Variants in GRM2 observed in about 807,000 individuals in gnomAD.
GRM2 encodes the protein glutamate metabotropic receptor 2.
Under a neutral mutation model 60.4 loss-of-function variants are expected in GRM2, and 35 were observed. That is an observed-to-expected ratio of 0.58 (90% CI 0.44 to 0.77). The LOEUF (loss-of-function observed/expected upper bound fraction) is 0.77. Among genes scored for constraint, GRM2 ranks in the 30% least tolerant of loss-of-function variants. The pLI is 0.00. For synonymous variants in GRM2, 437 were observed against 484.1 expected (o/e 0.90, Z 1.28); for missense variants, 925 against 1,199.5 (o/e 0.77, Z 3.38).
At position 51,713,916 on chromosome 3, in the gene GRM2, C is replaced by T. The variant is rs746029359; in HGVS notation, c.1288+606C>T. ...GGATGACAGGCATGTGGCACTGCTC[C>T]TAGCTTCAGGGAAAATTTCTATTCC... On this transcript the variant is annotated intron_variant, in intron 3 of 5. Coordinates refer to ENST00000395052, the MANE Select transcript of GRM2 (RefSeq NM_000839.5). This position sits in a 1 kb window ranked among gnomAD's most constrained non-coding sequence, Gnocchi z 4.8. 28 of 451,674 alleles carry T rather than the reference C, an allele frequency of 6.2e-5. No individual in the cohort carries two copies. Among genetic ancestry groups the T allele is most frequent in the African/African-American group, 4.2e-4 (21 of 50,062 alleles). 28.0% of individuals were successfully genotyped at this position (451,674 alleles called of 1,614,324 possible).
chr3:51,707,485 G>C (rs1448985642), intron 1 of GRM2: 1 of 153,644 alleles, frequency 6.5e-6, no homozygotes, highest in African/African-American at 2.4e-5. Context: ...TGTGGCCCAG[G>C]CTCCTGGCTG....
At position 51,709,160 on chromosome 3, in the gene GRM2, C is replaced by T. The variant is rs778471244; in HGVS notation, c.177C>T (p.Ile59=). 6.2e-7 allele frequency: 1 copy of T among 1,612,458 alleles called. No homozygotes were observed. The highest frequency in any genetic ancestry group is 1.7e-5 in the Admixed American group (1 of 60,016). The change falls in exon 2 of 6, where the codon ATC becomes ATT. Residue 59 remains isoleucine (I), a synonymous_variant. Transcript: ENST00000395052. ...DCGPVNEHRG[I]QRLEAMLFAL... is the part of the protein sequence containing the mutation. ...GTCCTGTCAATGAGCACCGTGGCAT[C>T]CAGCGCCTGGAGGCCATGCTTTTTG...
chr3:51,718,107 C>T lies in GRM2; in HGVS notation c.2614C>T (p.Leu872Phe). Residue 872 changes from leucine (L) to phenylalanine (F), a missense_variant, in exon 6 of 6, where the codon CTT becomes TTT. Leu to Phe is a conservative substitution (Grantham distance 22, BLOSUM62 0). Coordinates refer to ENST00000395052, the MANE Select transcript of GRM2 (RefSeq NM_000839.5). The surrounding 1 kb of genome is among the most constrained non-coding windows in gnomAD (Gnocchi z 4.2). ...GGTGGTGGACTCGACAACGTCATCG[C>T]TTTGAAGACCCCATACTCCCGCCCT... ...REVVDSTTSS[L>F] 6.2e-7 allele frequency: 1 copy of T among 1,613,658 alleles called. No homozygotes were observed. Among genetic ancestry groups the T allele is most frequent in the African/African-American group, 1.3e-5 (1 of 75,034 alleles).
Position 51,709,286 on chromosome 3 carries a change from G to A in GRM2, c.303G>A (p.Gln101=). The part of the protein sequence containing the change: ...SCSKDTHALE[Q]ALDFVRASLS... ...CCAAGGACACACATGCGCTGGAGCA[G>A]GCACTGGACTTTGTGCGTGCCTCAC... Residue 101 remains glutamine (Q), a synonymous_variant, in exon 2 of 6, where the codon CAG becomes CAA. Transcript: ENST00000395052. 6.2e-7 allele frequency: 1 copy of A among 1,603,926 alleles called. No individual in the cohort carries two copies. Among genetic ancestry groups the A allele is most frequent in the Non-Finnish European group, 8.5e-7 (1 of 1,172,682 alleles).
rs567520320 is a variant in GRM2 at position 51,717,351 on chromosome 3, G to T, written c.2365-286G>T. 6.6e-6 allele frequency among the ~76,000 whole-genome samples: 1 copy of T among 151,960 alleles called. No homozygotes were observed. The highest frequency in any genetic ancestry group is 1.5e-5 in the Non-Finnish European group (1 of 67,990). On this transcript the variant is annotated intron_variant, in intron 4 of 5. Transcript: ENST00000395052. This position sits in a 1 kb window ranked among gnomAD's most constrained non-coding sequence, Gnocchi z 6.0. ...GATATACACACACACCTACATGCAC[G>T]CACTCCATTCCTGCAGCCCCCAGAT...
chr3:51,713,764 C>CTTTT lies in GRM2; in HGVS notation c.1288+457_1288+458insTTTT. 1 of 200,716 alleles carries CTTTT rather than the reference C, an allele frequency of 5.0e-6. No homozygotes were observed. The highest frequency in any genetic ancestry group is 1.0e-5 in the Non-Finnish European group (1 of 97,258). 12.4% of individuals were successfully genotyped at this position (200,716 alleles called of 1,614,324 possible). Reference sequence around the variant, plus strand: ...TTCTTTTTTCTTTCTTTCTTTCTTTCTTTCTTTTCTTAGATGGGGTCTCAC... The same window carrying CTTTT: ...TTCTTTTTTCTTTCTTTCTTTCTTTCTTTTTTTCTTTTCTTAGATGGGGTCTCAC... On this transcript the variant is annotated intron_variant, in intron 3 of 5. Transcript: ENST00000395052. The surrounding 1 kb of genome is among the most constrained non-coding windows in gnomAD (Gnocchi z 4.8).
rs761475798 is a variant in GRM2, at chr3:51,715,297, G to A, written c.1524G>A (p.Glu508=). 2 of 1,612,720 alleles carry A rather than the reference G, an allele frequency of 1.2e-6. No homozygotes were observed. The highest frequency in any genetic ancestry group is 4.5e-5 in the East Asian group (2 of 44,876). The change falls in exon 4 of 6, where the codon GAG becomes GAA. Residue 508 remains glutamate (E), a synonymous_variant. Transcript: ENST00000395052. This position sits in a 1 kb window ranked among gnomAD's most constrained non-coding sequence, Gnocchi z 9.0. ...GCAGTGAGCCCTGCCTCCAGAATGA[G>A]GTGAAGAGTGTGCAGCCGGGCGAAG... ...SRCSEPCLQN[E]VKSVQPGEVC...
rs544763470 is a variant in GRM2, at chr3:51,717,099, A to G, written c.2365-538A>G. Among the ~76,000 whole-genome samples, 21 of 143,276 alleles carry G rather than the reference A, an allele frequency of 1.5e-4. No homozygotes were observed. Among genetic ancestry groups the G allele is most frequent in the Admixed American group, 1.5e-3 (20 of 13,710 alleles). 94.0% of individuals were successfully genotyped at this position (143,276 alleles called of 152,430 possible). A position where few individuals can be genotyped will look rare whatever the true frequency, so the allele number is the denominator to read the frequency against. On this transcript the variant is annotated intron_variant, in intron 4 of 5. Transcript: ENST00000395052. The surrounding 1 kb of genome is among the most constrained non-coding windows in gnomAD (Gnocchi z 6.0). ...GCAGCTAAGGACTCACCTGAGACACACACCGTACCCACACATGCATGCACA... is the reference window on the plus strand; with the variant it reads ...GCAGCTAAGGACTCACCTGAGACACGCACCGTACCCACACATGCATGCACA...
At position 51,716,126 on chromosome 3, in the gene GRM2, A is replaced by G. The variant is rs540567050; in HGVS notation, c.2353A>G (p.Ser785Gly). The change falls in exon 4 of 6, where the codon AGT becomes GGT. Residue 785 changes from serine to glycine, a missense_variant. Physicochemically the swap from Ser to Gly is moderately conservative, Grantham distance 56 (BLOSUM62 0). Coordinates refer to ENST00000395052, the MANE Select transcript of GRM2 (RefSeq NM_000839.5). This position sits in a 1 kb window ranked among gnomAD's most constrained non-coding sequence, Gnocchi z 4.0. ...AFLPIFYVTS[S>G]DYRVQTTTMC... ...CCTGCCCATCTTCTATGTCACCTCC[A>G]GTGACTACCGGGTGAGCTACCTGCC... 1.1e-3 allele frequency: 1,713 copies of G among 1,606,312 alleles called. 23 individuals are homozygous for G. The South Asian group carries it at 0.018, about 16-fold the overall frequency.
Position 51,707,136 on chromosome 3 carries a change from C to G in GRM2, c.-168C>G, listed in dbSNP as rs1480969233. On this transcript the variant is annotated 5_prime_UTR_variant, in exon 1 of 6. Transcript: ENST00000395052. ...GAGCCTCGCGCCCCCCGCTCCACTCCGATTCTCTCCGCGCCAGAGCCAGCG... is the reference window on the plus strand; with the variant it reads ...GAGCCTCGCGCCCCCCGCTCCACTCGGATTCTCTCCGCGCCAGAGCCAGCG... 1.3e-5 allele frequency: 2 copies of G among 152,410 alleles called. No individual in the cohort carries two copies. The highest frequency in any genetic ancestry group is 4.8e-5 in the African/African-American group (2 of 41,412). 9.4% of individuals were successfully genotyped at this position (152,410 alleles called of 1,614,324 possible).
In GRM2 at chr3:51,713,298, G is replaced by A. The variant is rs1222210595; in HGVS notation, c.1276G>A (p.Val426Ile). Residue 426 changes from valine to isoleucine, a missense_variant, in exon 3 of 6, where the codon GTC (valine) becomes ATC (isoleucine). By Grantham distance (29) the Val-to-Ile change is conservative (BLOSUM62 3). Coordinates refer to ENST00000395052, the MANE Select transcript of GRM2 (RefSeq NM_000839.5). The surrounding 1 kb of genome is among the most constrained non-coding windows in gnomAD (Gnocchi z 4.8). ...CCTCTACAAGGACTTTGTGCTCAAC[G>A]TCAAGTTTGATGGTAATGGTGTTGG... ...RRLYKDFVLN[V>I]KFDAPFRPAD... The A allele has an allele frequency of 5.6e-6, 9 of 1,605,150 alleles. No homozygotes were observed. The highest frequency in any genetic ancestry group is 2.7e-5 in the African/African-American group (2 of 74,790).
Position 51,715,864 on chromosome 3 carries a change from G to T in GRM2, c.2091G>T (p.Trp697Cys). The change falls in exon 4 of 6, where the codon TGG (tryptophan) becomes TGT (cysteine). Residue 697 changes from tryptophan to cysteine, a missense_variant. By Grantham distance (215) the Trp-to-Cys change is radical (BLOSUM62 -2). Transcript: ENST00000395052. This position sits in a 1 kb window ranked among gnomAD's most constrained non-coding sequence, Gnocchi z 9.0. ...ISGQLLIVVA[W>C]LVVEAPGTGK... The stretch of plus-strand genomic sequence containing the variant: ...GCCAGCTGCTCATCGTGGTCGCCTG[G>T]CTGGTGGTGGAGGCACCGGGCACAG... 1 of 1,613,264 alleles carries T rather than the reference G, an allele frequency of 6.2e-7. No homozygotes were observed. The highest frequency in any genetic ancestry group is 2.2e-5 in the East Asian group (1 of 44,874).
rs1229742674 is a variant in GRM2, at chr3:51,708,965, A to G, written c.-19A>G. The G allele has an allele frequency of 1.3e-6, 2 of 1,546,198 alleles. No individual in the cohort carries two copies. Among genetic ancestry groups the G allele is most frequent in the African/African-American group, 1.4e-5 (1 of 73,586 alleles). On this transcript the variant is annotated 5_prime_UTR_variant, in exon 2 of 6. Coordinates refer to ENST00000395052, the MANE Select transcript of GRM2 (RefSeq NM_000839.5). The stretch of plus-strand genomic sequence containing the variant: ...CTGGAGACCCAGGTCTGCGGGACCC[A>G]TCCATCCCCTTTGGGGCCATGGGAT...
In GRM2 at chr3:51,718,323, G is replaced by T; in HGVS notation, c.*211G>T. The stretch of plus-strand genomic sequence containing the variant: ...GGAGCCTCTGCAGTGGCCACTAACT[G>T]CCCTTGTAGCTGTGTTTCCTCCTGG... On this transcript the variant is annotated 3_prime_UTR_variant, in exon 6 of 6. Transcript: ENST00000395052. The surrounding 1 kb of genome is among the most constrained non-coding windows in gnomAD (Gnocchi z 4.2). 1.7e-6 allele frequency: 1 copy of T among 583,184 alleles called. No homozygotes were observed. The highest frequency in any genetic ancestry group is 2.9e-5 in the East Asian group (1 of 34,390). 36.1% of individuals were successfully genotyped at this position (583,184 alleles called of 1,614,324 possible).
At position 51,713,184 on chromosome 3, in the gene GRM2, A is replaced by G; in HGVS notation, c.1162A>G (p.Met388Val). The G allele has an allele frequency of 6.2e-7, 1 of 1,613,198 alleles. No homozygotes were observed. The highest frequency in any genetic ancestry group is 8.5e-7 in the Non-Finnish European group (1 of 1,180,028). ...GTTTGTGGTCAATGCAGTGTACGCC[A>G]TGGCCCATGCGCTCCACAACATGCA... is the stretch of plus-strand genomic sequence containing the variant. ...IMFVVNAVYA[M>V]AHALHNMHRA... The change falls in exon 3 of 6, where the codon ATG becomes GTG. Residue 388 changes from methionine to valine, a missense_variant. By Grantham distance (21) the Met-to-Val change is conservative. Transcript: ENST00000395052. This position sits in a 1 kb window ranked among gnomAD's most constrained non-coding sequence, Gnocchi z 4.8.
rs1703897597 is a variant in GRM2, at chr3:51,716,310, G to T, written c.2364+173G>T. Among the ~76,000 whole-genome samples the T allele has an allele frequency of 6.6e-6, 1 of 152,190 alleles. No individual in the cohort carries two copies. The highest frequency in any genetic ancestry group is 1.5e-5 in the Non-Finnish European group (1 of 68,034). On this transcript the variant is annotated intron_variant, in intron 4 of 5. Coordinates refer to ENST00000395052, the MANE Select transcript of GRM2 (RefSeq NM_000839.5). The surrounding 1 kb of genome is among the most constrained non-coding windows in gnomAD (Gnocchi z 4.0). ...GTGGGAGGGCTGAATAGGACCTAGG[G>T]AAATGGCCAGGGAGGTGGGGAACTC...
rs1355537381 is a variant in GRM2, at chr3:51,717,508, G to A, written c.2365-129G>A. ...TTTTCCTAGCAATGCTTTGGGATCC[G>A]GCAAATGGACCACAGCCCAGTGTTG... On this transcript the variant is annotated intron_variant, in intron 4 of 5. Transcript: ENST00000395052. This position sits in a 1 kb window ranked among gnomAD's most constrained non-coding sequence, Gnocchi z 6.0. 3.8e-5 allele frequency: 27 copies of A among 703,886 alleles called. No individual in the cohort carries two copies. The highest frequency in any genetic ancestry group is 7.2e-5 in the African/African-American group (4 of 55,848). 43.6% of individuals were successfully genotyped at this position (703,886 alleles called of 1,614,324 possible).
chr3:51,709,531 G>A, intron 2 of GRM2, 98 bp downstream of exon 2: 1 of 837,140 alleles, frequency 1.2e-6, no homozygotes. Flanking sequence ...CTGTGAATTG[G>A]AAGGGAAACT....
chr3:51,709,889 TAATA>T (rs60972621), intron 2 of GRM2, among the ~76,000 whole-genome samples: 78,852 of 139,208 alleles, frequency 0.57, 22,247 homozygotes, highest in Non-Finnish European at 0.61. Context: ...CTGAGGGGCT[TAATA>T]GTCAGGTCTC....
Sources: gnomAD v4.1 joint callset for allele counts (sites outside exome capture counted in the v4.1 genomes callset) on GRCh38, gnomAD v4.1.1 for gene constraint, Gnocchi (gnomAD v3.1) non-coding constraint, MANE v1.5 for transcripts, NCBI Gene and HGNC (gene_info 2026-07-23, HGNC 2026-07-21) for gene names.